The following CHRNA4 variants were observed in gnomAD, a reference collection of about 807,000 sequenced individuals.
The protein encoded by CHRNA4 is cholinergic receptor nicotinic alpha 4 subunit, also known as neuronal acetylcholine receptor subunit alpha-4.
CHRNA4 carries 28 observed loss-of-function variants against 48.9 expected under a neutral mutation model. The ratio of observed to expected loss-of-function variants is 0.57; its 90% confidence interval spans 0.42 to 0.79. The LOEUF (loss-of-function observed/expected upper bound fraction) is 0.79. Among genes scored for constraint, CHRNA4 ranks in the 30% least tolerant of loss-of-function variants. CHRNA4 has a pLI of 0.00. For missense variants in CHRNA4, 859 were observed against 898.4 expected (o/e 0.96, Z 0.56); for synonymous variants, 425 against 402.3 (o/e 1.06, Z -0.68).
At position 63,350,532 on chromosome 20, in the gene CHRNA4, G is replaced by A. The variant is rs371527699; in HGVS notation, c.879C>T (p.Thr293=). The change falls in exon 5 of 6, where the codon ACC becomes ACT. Residue 293 remains threonine (T), a synonymous_variant. Coordinates refer to ENST00000370263, the MANE Select transcript of CHRNA4 (RefSeq NM_000744.7). The stretch of plus-strand genomic sequence containing the variant: ...CCAGTGAGGTGGACGGGATGATCTC[G>A]GTGATGAGCAGCAGGAAGACGGTGA... The part of the protein sequence containing the change: ...LSLTVFLLLI[T]EIIPSTSLVI... 78 of 1,614,004 alleles carry A rather than the reference G, an allele frequency of 4.8e-5. No homozygotes were observed. In the African/African-American group the frequency reaches 7.3e-4, roughly 15 times the overall value.
At position 63,343,390 on chromosome 20, in the gene CHRNA4, C is replaced by G. The variant is rs2068435745; in HGVS notation, c.*3348G>C. The G allele has an allele frequency of 2.2e-6, 1 of 453,998 alleles. No homozygotes were observed. Among genetic ancestry groups the G allele is most frequent in the Non-Finnish European group, 4.4e-6 (1 of 226,816 alleles). The allele number at this position is 453,998 out of a possible 1,614,324, so 28.1% of individuals were successfully genotyped here. The stretch of plus-strand genomic sequence containing the variant: ...CTGGCCGGGCTTGCATCCCCAGGTG[C>G]TGTGTGTGCTGCGCCTGATCCAGCA... On this transcript the variant is annotated 3_prime_UTR_variant, in exon 6 of 6. Transcript: ENST00000370263.
At position 63,359,681 on chromosome 20, in the gene CHRNA4, G is replaced by T. The variant is rs200601170; in HGVS notation, c.95C>A (p.Thr32Asn). 77 of 1,611,368 alleles carry T rather than the reference G, an allele frequency of 4.8e-5. No individual in the cohort carries two copies. The South Asian group carries it at 7.5e-4, about 16-fold the overall frequency. The change falls in exon 2 of 6, where the codon ACC becomes AAC. Residue 32 changes from threonine to asparagine, a missense_variant. By Grantham distance (65) the Thr-to-Asn change is moderately conservative (BLOSUM62 0). Around this residue, in one of 3 missense-constraint regions of CHRNA4, gnomAD observed 342 missense variants for 365.3 expected, o/e 0.94. Coordinates refer to ENST00000370263, the MANE Select transcript of CHRNA4 (RefSeq NM_000744.7). ...GAGCCGCTCCTCGGCGTGGGCCCGG[G>T]TCTCCACATGGCTGCTGGCTGCGGG... ...GLLRASSHVETRAHAEERLLK... is the reference protein window; with the variant it reads ...GLLRASSHVENRAHAEERLLK...
chr20:63,360,735 G>C (rs756926798), intron 1 of CHRNA4, among the ~76,000 whole-genome samples: 15 of 152,236 alleles, frequency 9.9e-5, no homozygotes, highest in Non-Finnish European at 2.2e-4. Flanking sequence ...AGCAGGCATG[G>C]GGGTCTTCAG....
At chr20:63,356,717 CT>C (rs2068724179) in intron 2 of CHRNA4, 1 of 511,364 alleles carries the variant, frequency 2.0e-6, no homozygotes, top group Non-Finnish European at 3.6e-6. Flanking sequence ...GGGGAGCCTC[CT>C]TCTGCCCACC....
chr20:63,349,598 T>C (rs2068549149), intron 5 of CHRNA4, 55 bp downstream of exon 5: 1 of 1,604,864 alleles, frequency 6.2e-7, no homozygotes, highest in Admixed American at 1.7e-5. Context: ...AGAAAGGGCG[T>C]CCGCCGGTTC....
rs771249249 is a variant in CHRNA4, at chr20:63,350,789, C to T, written c.622G>A (p.Glu208Lys). 1.9e-6 allele frequency: 3 copies of T among 1,613,782 alleles called. No individual in the cohort carries two copies. The highest frequency in any genetic ancestry group is 1.1e-5 in the South Asian group (1 of 91,062). Residue 208 changes from glutamate to lysine, a missense_variant, in exon 5 of 6, where the codon GAG becomes AAG. By Grantham distance (56) the Glu-to-Lys change is moderately conservative (BLOSUM62 1). Transcript: ENST00000370263. ...VDQLDFWESGEWVIVDAVGTY... is the reference protein window; with the variant it reads ...VDQLDFWESGKWVIVDAVGTY... The stretch of plus-strand genomic sequence containing the variant: ...CCCACGGCATCCACGATGACCCACT[C>T]GCCACTCTCCCAGAAGTCCAGCTGG...
At chr20:63,357,276 C>G (rs2068736085) in intron 2 of CHRNA4, among the ~76,000 whole-genome samples, 1 of 151,860 alleles carries the variant, frequency 6.6e-6, no homozygotes. Flanking sequence ...CCGTGCAGGG[C>G]CATATCTCCC....
chr20:63,361,264 G>A lies in CHRNA4; in HGVS notation c.-99C>T. The A allele has an allele frequency of 7.2e-7, 1 of 1,384,896 alleles. No individual in the cohort carries two copies. The highest frequency in any genetic ancestry group is 9.3e-7 in the Non-Finnish European group (1 of 1,071,186). 85.8% of individuals were successfully genotyped at this position (1,384,896 alleles called of 1,614,324 possible). ...AACTTCATGCCTCCCGCGCCTCGCG[G>A]GCCGCTTCGGCCGCCGGGCCCGGTT... On this transcript the variant is annotated 5_prime_UTR_variant, in exon 1 of 6. Transcript: ENST00000370263.
chr20:63,345,244 C>T lies in CHRNA4; in HGVS notation c.*1494G>A, dbSNP rs1408508403. 2.2e-6 allele frequency: 1 copy of T among 449,914 alleles called. No homozygotes were observed. Among genetic ancestry groups the T allele is most frequent in the Admixed American group, 2.4e-5 (1 of 42,426 alleles). 27.9% of individuals were successfully genotyped at this position (449,914 alleles called of 1,614,324 possible). Reference sequence around the variant, plus strand: ...ATGAGACTCAGTGGGACGCAGAGCCCAACCCCATCCCCACCCCTGGCTGGA... The same window carrying T: ...ATGAGACTCAGTGGGACGCAGAGCCTAACCCCATCCCCACCCCTGGCTGGA... On this transcript the variant is annotated 3_prime_UTR_variant, in exon 6 of 6. Coordinates refer to ENST00000370263, the MANE Select transcript of CHRNA4 (RefSeq NM_000744.7). The surrounding 1 kb of genome is among the most constrained non-coding windows in gnomAD (Gnocchi z 5.4).
chr20:63,357,287 C>T (rs1177734043), intron 2 of CHRNA4, among the ~76,000 whole-genome samples: 2 of 145,248 alleles, frequency 1.4e-5, no homozygotes, highest in African/African-American at 5.0e-5. Flanking sequence ...CATATCTCCC[C>T]ACAGGACCTC....
At chr20:63,359,373 G>A (rs911654086) in intron 2 of CHRNA4, 175 bp downstream of exon 2, 1 of 801,138 alleles carries the variant, frequency 1.2e-6, no homozygotes, top group Non-Finnish European at 2.0e-6. Flanking sequence ...ATCAACCCTT[G>A]GCTGGGGCTC....
At chr20:63,358,834 A>C (rs1465243338) in intron 2 of CHRNA4, among the ~76,000 whole-genome samples, 1 of 151,648 alleles carries the variant, frequency 6.6e-6, no homozygotes, top group Non-Finnish European at 1.5e-5. Flanking sequence ...GGCCGCCGAG[A>C]CCCCCAGACA....
At position 63,349,547 on chromosome 20, in the gene CHRNA4, A is replaced by C; in HGVS notation, c.1758+106T>G. The C allele has an allele frequency of 5.5e-6, 8 of 1,444,744 alleles. No homozygotes were observed. The South Asian group carries it at 8.0e-5, about 14-fold the overall frequency. 89.5% of individuals were successfully genotyped at this position (1,444,744 alleles called of 1,614,324 possible). ...CACGCCCTGCACCCCAAAGCGAAGC[A>C]GCCTGAGGCCTGGGCCCGGCTCCTG... is the stretch of plus-strand genomic sequence containing the variant. On this transcript the variant is annotated intron_variant, in intron 5 of 5. Transcript: ENST00000370263.
At chr20:63,348,500 G>C (rs1309933054) in intron 5 of CHRNA4, among the ~76,000 whole-genome samples, 2 of 152,218 alleles carry the variant, frequency 1.3e-5, no homozygotes, top group African/African-American at 4.8e-5. Context: ...TTTGGGGCTC[G>C]CTCAGCTAGT....
chr20:63,350,377 C>T lies in CHRNA4; in HGVS notation c.1034G>A (p.Arg345His), dbSNP rs200666489. 22 of 1,613,784 alleles carry T rather than the reference C, an allele frequency of 1.4e-5. No homozygotes were observed. The highest frequency in any genetic ancestry group is 1.6e-5 in the Non-Finnish European group (19 of 1,180,022). Residue 345 changes from arginine (R) to histidine (H), a missense_variant, in exon 5 of 6, where the codon CGC (arginine) becomes CAC (histidine). By Grantham distance (29) the Arg-to-His change is conservative (BLOSUM62 0). Around this residue, in one of 3 missense-constraint regions of CHRNA4, gnomAD observed 478 missense variants for 455.4 expected, o/e 1.05. Transcript: ENST00000370263. ...PRTHTMPTWVRRVFLDIVPRL... is the reference protein window; with the variant it reads ...PRTHTMPTWVHRVFLDIVPRL... ...TGGCACGATGTCCAGGAAGACCCTG[C>T]GTACCCAGGTGGGCATGGTGTGCGT... is the stretch of plus-strand genomic sequence containing the variant.
intron 1 of CHRNA4, chr20:63,359,903 G>GTGTGTGTGTGGCGGGCGTGCGC: frequency 2.3e-6 from 1 of 442,924 alleles, no homozygotes; most frequent in Non-Finnish European, 4.0e-6. Flanking sequence ...TGTGCTGTGT[G>GTGTGTGTGTGGCGGGCGTGCGC]TGTGTGTGTG....
chr20:63,350,132 C>T lies in CHRNA4; in HGVS notation c.1279G>A (p.Asp427Asn), dbSNP rs1196580622. The change falls in exon 5 of 6, where the codon GAC (aspartate) becomes AAC (asparagine). Residue 427 changes from aspartate (D) to asparagine (N), a missense_variant. Coordinates refer to ENST00000370263, the MANE Select transcript of CHRNA4 (RefSeq NM_000744.7). ...AGGGGCTGCTGAGGAGGGAGCTGGTCGGAGGGTGACTTGCAGGAAGGCCCA... is the reference window on the plus strand; with the variant it reads ...AGGGGCTGCTGAGGAGGGAGCTGGTTGGAGGGTGACTTGCAGGAAGGCCCA... Reference protein sequence around the residue: ...EPGPSCKSPSDQLPPQQPLEA... With the variant: ...EPGPSCKSPSNQLPPQQPLEA... 13 of 1,563,024 alleles carry T rather than the reference C, an allele frequency of 8.3e-6. No homozygotes were observed. Among genetic ancestry groups the T allele is most frequent in the South Asian group, 4.7e-5 (4 of 84,374 alleles).
rs1464651395 is a variant in CHRNA4 at position 63,344,951 on chromosome 20, G to C, written c.*1787C>G. On this transcript the variant is annotated 3_prime_UTR_variant, in exon 6 of 6. Transcript: ENST00000370263. This position sits in a 1 kb window ranked among gnomAD's most constrained non-coding sequence, Gnocchi z 4.5. ...CCCAGGATTTGGCACGGGGGTCTCT[G>C]TGTCCCACCCACTCCTGGCACAAAA... is the stretch of plus-strand genomic sequence containing the variant. 1 of 409,438 alleles carries C rather than the reference G, an allele frequency of 2.4e-6. No homozygotes were observed. The highest frequency in any genetic ancestry group is 2.5e-5 in the Admixed American group (1 of 39,552). 25.4% of individuals were successfully genotyped at this position (409,438 alleles called of 1,614,324 possible). A position where few individuals can be genotyped will look rare whatever the true frequency, so the allele number is the denominator to read the frequency against.
At chr20:63,349,524 C>A in intron 5 of CHRNA4, 129 bp downstream of exon 5, 1 of 1,201,464 alleles carries the variant, frequency 8.3e-7, no homozygotes, top group Non-Finnish European at 1.2e-6. Context: ...GCAGGGGCCA[C>A]GCCCTGCACC....
Sources: gnomAD v4.1 joint callset for allele counts (sites outside exome capture counted in the v4.1 genomes callset) on GRCh38, gnomAD v4.1.1 for gene constraint, gnomAD v4.1.1 regional missense constraint, Gnocchi (gnomAD v3.1) non-coding constraint, MANE v1.5 for transcripts, NCBI Gene and HGNC (gene_info 2026-07-23, HGNC 2026-07-21) for gene names.